RBM6: variants seen among roughly 807,000 people sequenced by gnomAD.
The protein encoded by RBM6 is RNA-binding protein 6.
In RBM6, 23 loss-of-function variants were observed where a neutral mutation model predicts 140.4. The observed-to-expected ratio is 0.16, with a 90% confidence interval of 0.12 to 0.23. RBM6 has a LOEUF of 0.23. Among genes scored for constraint, RBM6 ranks in the 10% least tolerant of loss-of-function variants. The pLI is 1.00. For synonymous variants in RBM6, 439 were observed against 475.6 expected, an observed-to-expected ratio of 0.92 and a Z score of 1.00; for missense variants, 1,139 against 1,386.7, an observed-to-expected ratio of 0.82 and a Z score of 2.84.
At chr3:49,980,963 C>T (rs1325731976) in intron 5 of RBM6, among the ~76,000 whole-genome samples, 3 of 151,506 alleles carry the variant, frequency 2.0e-5, no homozygotes, top group Non-Finnish European at 2.9e-5. Context: ...AGTGCAGTGG[C>T]GCGATATCGG....
intron 6 of RBM6, among the ~76,000 whole-genome samples, chr3:50,019,183 G>C (rs759608916): frequency 6.6e-6 from 1 of 151,662 alleles, no homozygotes; most frequent in African/African-American, 2.4e-5. Flanking sequence ...TTACAGGCAC[G>C]CACCACCACA....
rs543881159 is a variant in RBM6, at chr3:49,944,138, C to T, written c.-67+3913C>T. 2.6e-5 allele frequency among the ~76,000 whole-genome samples: 4 copies of T among 152,238 alleles called. No individual in the cohort carries two copies. In the South Asian group the frequency reaches 6.2e-4, roughly 24 times the overall value. On this transcript the variant is annotated intron_variant, in intron 1 of 20. Coordinates refer to ENST00000266022, the MANE Select transcript of RBM6 (RefSeq NM_005777.3). ...TCTTCCCAAACTGAGTTTCTGTACC[C>T]ATTGAATAGTAACTCCCTATTCTCT...
chr3:49,956,328 C>CGG (rs2083986713), intron 1 of RBM6, among the ~76,000 whole-genome samples: 1 of 72,054 alleles, frequency 1.4e-5, no homozygotes, highest in Non-Finnish European at 2.5e-5. Context: ...CCCTCCCCCG[C>CGG]TTTTTTTTTT....
rs890637176 is a variant in RBM6 at position 49,967,307 on chromosome 3, T to C, written c.45-163T>C. On this transcript the variant is annotated intron_variant, in intron 2 of 20. Transcript: ENST00000266022. This position sits in a 1 kb window ranked among gnomAD's most constrained non-coding sequence, Gnocchi z 4.0. ...TTTACTCCGCCACTTCGTCTTAAAA[T>C]AGCAAAACTTTGCTGTTTTCTGCAG... 2 of 1,410,118 alleles carry C rather than the reference T, an allele frequency of 1.4e-6. No homozygotes were observed. The highest frequency in any genetic ancestry group is 9.2e-7 in the Non-Finnish European group (1 of 1,083,662). The allele number at this position is 1,410,118 out of a possible 1,614,324, so 87.4% of individuals were successfully genotyped here.
At chr3:50,041,052 G>T (rs1005678531) in intron 6 of RBM6, among the ~76,000 whole-genome samples, 1 of 152,178 alleles carries the variant, frequency 6.6e-6, no homozygotes, top group African/African-American at 2.4e-5. Flanking sequence ...ACACAAATAA[G>T]ATTTTGGCTT....
At chr3:50,042,026 C>T (rs2088948366) in intron 6 of RBM6, among the ~76,000 whole-genome samples, 1 of 152,098 alleles carries the variant, frequency 6.6e-6, no homozygotes, top group Middle Eastern at 3.2e-3. Flanking sequence ...TCCATGTATC[C>T]CAGCCATCCA....
intron 5 of RBM6, among the ~76,000 whole-genome samples, chr3:49,980,054 G>A (rs1463446014): frequency 6.6e-6 from 1 of 151,688 alleles, no homozygotes; most frequent in African/African-American, 2.4e-5. Context: ...AAGCTGGAGC[G>A]TAATGGCGCG....
chr3:50,007,611 C>T (rs2086643346), intron 6 of RBM6, among the ~76,000 whole-genome samples: 1 of 151,926 alleles, frequency 6.6e-6, no homozygotes, highest in Non-Finnish European at 1.5e-5. Context: ...CGGCTCACTG[C>T]ATGCTCCGCC....
At chr3:50,044,153 C>G (rs911713039) in intron 6 of RBM6, among the ~76,000 whole-genome samples, 1 of 151,572 alleles carries the variant, frequency 6.6e-6, no homozygotes, top group Non-Finnish European at 1.5e-5. Context: ...GCTAGGATTA[C>G]AGGCGTGAGC....
intron 1 of RBM6, among the ~76,000 whole-genome samples, chr3:49,951,023 G>C (rs1040250705): frequency 1.3e-5 from 2 of 152,116 alleles, no homozygotes; most frequent in African/African-American, 4.8e-5. Context: ...GTGTTAGGAA[G>C]GAAGGTAATT....
chr3:49,951,845 C>T (rs1386032823), intron 1 of RBM6, among the ~76,000 whole-genome samples: 3 of 152,014 alleles, frequency 2.0e-5, no homozygotes, highest in African/African-American at 4.8e-5. Context: ...GCCTCAACCT[C>T]CCAAGTAGCT....
intron 6 of RBM6, among the ~76,000 whole-genome samples, chr3:50,017,559 A>G (rs530887685): frequency 2.8e-4 from 41 of 147,924 alleles, no homozygotes; most frequent in Admixed American, 2.6e-3. Context: ...CTCTGTCTCA[A>G]AAAAAAAAAA....
At chr3:50,040,493 T>TATATATATATACACACAC (rs749096137) in intron 6 of RBM6, among the ~76,000 whole-genome samples, 1 of 85,880 alleles carries the variant, frequency 1.2e-5, no homozygotes, top group African/African-American at 4.6e-5. Context: ...TATATATATA[T>TATATATATATACACACAC]ACACACACAC....
intron 1 of RBM6, among the ~76,000 whole-genome samples, chr3:49,947,183 C>T (rs2083526395): frequency 1.4e-5 from 2 of 141,108 alleles, no homozygotes; most frequent in South Asian, 4.4e-4. Context: ...ACCTGGGAGG[C>T]AGAGCTCGCA....
chr3:49,942,416 G>T (rs1334031370), intron 1 of RBM6, among the ~76,000 whole-genome samples: 1 of 150,574 alleles, frequency 6.6e-6, no homozygotes, highest in Non-Finnish European at 1.5e-5. Context: ...GTGAACCCGA[G>T]AGGCGGAGCT....
rs199519807 is a variant in RBM6 at position 50,046,870 on chromosome 3, C to T, written c.1558-1375C>T. ...TGTGCCCTTCACCACCTGGGTGACC[C>T]CACCTCTGTGAACATAGGTCCTCAT... On this transcript the variant is annotated intron_variant, in intron 6 of 20. Transcript: ENST00000266022. 3.3e-5 allele frequency among the ~76,000 whole-genome samples: 5 copies of T among 152,334 alleles called. No homozygotes were observed. The East Asian group carries it at 9.6e-4, about 29-fold the overall frequency.
At chr3:50,031,814 GAA>G (rs1172400818) in intron 6 of RBM6, among the ~76,000 whole-genome samples, 1 of 151,816 alleles carries the variant, frequency 6.6e-6, no homozygotes, top group African/African-American at 2.4e-5. Flanking sequence ...AACATAAAAA[GAA>G]AAAAATAAAA....
At chr3:49,942,660 A>G (rs759173818) in intron 1 of RBM6, among the ~76,000 whole-genome samples, 59 of 152,146 alleles carry the variant, frequency 3.9e-4, no homozygotes, top group Non-Finnish European at 7.4e-4. Flanking sequence ...TGGGAGGTCA[A>G]CGTGGGCAGA....
intron 6 of RBM6, among the ~76,000 whole-genome samples, chr3:50,019,264 A>G (rs1215101870): frequency 6.6e-6 from 1 of 151,950 alleles, no homozygotes; most frequent in Admixed American, 6.6e-5. Context: ...ACCTTAGGTG[A>G]TCTGCCCCGC....
Sources: allele counts gnomAD v4.1 joint callset (sites outside exome capture counted in the v4.1 genomes callset), GRCh38; gene constraint gnomAD v4.1.1; non-coding constraint Gnocchi (gnomAD v3.1); transcripts MANE v1.5; gene names NCBI Gene and HGNC (gene_info 2026-07-23, HGNC 2026-07-21).